The following ATP13A4 variants were observed in gnomAD, a reference collection of about 807,000 sequenced individuals.
The protein encoded by ATP13A4 is ATPase 13A4.
A neutral mutation model predicts 142.5 loss-of-function variants in ATP13A4; 114 were observed. The ratio of observed to expected loss-of-function variants is 0.80; its 90% CI spans 0.69 to 0.93. The LOEUF (loss-of-function observed/expected upper bound fraction) is 0.93. Among genes scored for constraint, ATP13A4 ranks in the 40% least tolerant of loss-of-function variants. ATP13A4 has a pLI of 0.00. For missense variants in ATP13A4, 1,392 were observed against 1,454.0 expected, an observed-to-expected ratio of 0.96 and a Z score of 0.69; for synonymous variants, 488 against 514.8, an observed-to-expected ratio of 0.95 and a Z score of 0.70.
intron 8 of ATP13A4, among the ~76,000 whole-genome samples, chr3:193,478,174 T>C (rs906557982): frequency 1.3e-5 from 2 of 151,692 alleles, no homozygotes; most frequent in African/African-American, 4.8e-5. Flanking sequence ...AAAAGTCTGG[T>C]AGAGCACAAA....
chr3:193,503,625 T>C (rs1323428235), intron 2 of ATP13A4, among the ~76,000 whole-genome samples: 1 of 152,240 alleles, frequency 6.6e-6, no homozygotes, highest in Non-Finnish European at 1.5e-5. Flanking sequence ...TAGCTGACTC[T>C]GCAAAAGGCA....
intron 1 of ATP13A4, among the ~76,000 whole-genome samples, chr3:193,515,959 T>C (rs1721390900): frequency 6.6e-6 from 1 of 152,254 alleles, no homozygotes; most frequent in East Asian, 1.9e-4. Context: ...CCTCAGTTTG[T>C]CTTCCATAAA....
intron 10 of ATP13A4, 69 bp from the exon 11 acceptor site, chr3:193,466,251 AC>A: frequency 6.4e-7 from 1 of 1,573,190 alleles, no homozygotes; most frequent in Non-Finnish European, 8.7e-7. Flanking sequence ...CCAAACCTCA[AC>A]ACTGCCTTTG....
intron 2 of ATP13A4, among the ~76,000 whole-genome samples, chr3:193,564,097 G>A (rs1045550286): frequency 6.6e-6 from 1 of 152,140 alleles, no homozygotes; most frequent in South Asian, 2.1e-4. Context: ...AGGATTGCTC[G>A]AAGAGTATCA....
chr3:193,450,113 C>CA (rs113643807), intron 17 of ATP13A4, among the ~76,000 whole-genome samples: 1,203 of 95,018 alleles, frequency 0.013, 17 homozygotes, highest in African/African-American at 0.029. Context: ...ACCTGTCTCA[C>CA]AAAAAAAAAA....
At chr3:193,504,495 G>T (rs970380029) in intron 2 of ATP13A4, among the ~76,000 whole-genome samples, 1 of 152,088 alleles carries the variant, frequency 6.6e-6, no homozygotes, top group Admixed American at 6.6e-5. Flanking sequence ...AAAACACTAT[G>T]GAATTGTTAC....
chr3:193,507,709 G>A (rs907615085), intron 2 of ATP13A4, among the ~76,000 whole-genome samples: 3 of 152,094 alleles, frequency 2.0e-5, no homozygotes, highest in African/African-American at 2.4e-5. Flanking sequence ...GTGGATTAGC[G>A]GGTCATCGTC....
intron 8 of ATP13A4, among the ~76,000 whole-genome samples, chr3:193,483,658 G>T (rs1379722469): frequency 6.6e-6 from 1 of 152,036 alleles, no homozygotes; most frequent in African/African-American, 2.4e-5. Context: ...TAGAGACAGG[G>T]TTTCACCGTG....
intron 8 of ATP13A4, among the ~76,000 whole-genome samples, chr3:193,478,263 TA>T (rs1226652631): frequency 6.7e-6 from 1 of 148,800 alleles, no homozygotes; most frequent in Non-Finnish European, 1.5e-5. Context: ...AGAAAATAAA[TA>T]ACCAAGATCA....
intron 25 of ATP13A4, among the ~76,000 whole-genome samples, chr3:193,418,090 C>T (rs1356697234): frequency 8.5e-6 from 1 of 117,044 alleles, no homozygotes; most frequent in African/African-American, 3.4e-5. Context: ...CCACTGCACT[C>T]CAGCCTGGGC....
intron 6 of ATP13A4, among the ~76,000 whole-genome samples, 162 bp from the exon 7 acceptor site, chr3:193,490,026 C>A (rs1719861073): frequency 6.6e-6 from 1 of 152,170 alleles, no homozygotes; most frequent in African/African-American, 2.4e-5. Flanking sequence ...CCGCTCTAAG[C>A]AACTTTACTT....
intron 1 of ATP13A4, among the ~76,000 whole-genome samples, chr3:193,519,018 C>T (rs1350882312): frequency 1.3e-5 from 2 of 152,116 alleles, no homozygotes; most frequent in Non-Finnish European, 2.9e-5. Flanking sequence ...TGCTTCTAAG[C>T]ACCCCACAAT....
chr3:193,575,955 T>C (rs184617902), intron 2 of ATP13A4, among the ~76,000 whole-genome samples: 27 of 152,290 alleles, frequency 1.8e-4, no homozygotes, highest in Admixed American at 1.2e-3. Flanking sequence ...TTTGATTGTC[T>C]TGACTGGGAC....
At chr3:193,466,806 T>C (rs1718315572) in intron 10 of ATP13A4, among the ~76,000 whole-genome samples, 1 of 152,230 alleles carries the variant, frequency 6.6e-6, no homozygotes, top group Middle Eastern at 3.2e-3. Context: ...TACATAATAA[T>C]TATTGTTATC....
At chr3:193,421,022 C>T (rs934301760) in intron 25 of ATP13A4, among the ~76,000 whole-genome samples, 2 of 149,752 alleles carry the variant, frequency 1.3e-5, no homozygotes, top group Non-Finnish European at 3.0e-5. Flanking sequence ...TGCTGAAAAC[C>T]TTCTAAGTCC....
intron 9 of ATP13A4, 70 bp downstream of exon 9, chr3:193,470,789 G>A (rs1001257479): frequency 4.1e-5 from 66 of 1,607,882 alleles, no homozygotes; most frequent in African/African-American, 1.1e-4. Flanking sequence ...AGGAGGAGGC[G>A]TAGGGACCAT....
At position 193,433,915 on chromosome 3, in the gene ATP13A4, CT is replaced by C. The variant is rs1370030202; in HGVS notation, c.2771del (p.Glu924GlyfsTer23). On this transcript the variant is annotated frameshift_variant and splice_region_variant, in exon 25 of 30. Coordinates refer to ENST00000342695, the MANE Select transcript of ATP13A4 (RefSeq NM_032279.4). LOFTEE classifies it high-confidence loss of function. ...QYVGVLLLYW[E>X]TNSLSNYQFL... ...ACTGGTAATTTGAAAGGCTGTTTGT[CT>C]CCTGAAAATAAAAAGAAAGCAGATC... 3 of 1,612,948 alleles carry C rather than the reference CT, an allele frequency of 1.9e-6. No homozygotes were observed. The highest frequency in any genetic ancestry group is 2.5e-6 in the Non-Finnish European group (3 of 1,179,048).
At chr3:193,425,494 A>T (rs766016934) in intron 25 of ATP13A4, among the ~76,000 whole-genome samples, 1 of 151,784 alleles carries the variant, frequency 6.6e-6, no homozygotes, top group Non-Finnish European at 1.5e-5. Flanking sequence ...AATAAAGAAC[A>T]TGTGGTATAC....
intron 5 of ATP13A4, 75 bp from the exon 6 acceptor site, chr3:193,491,473 G>T (rs1719940157): frequency 9.2e-7 from 1 of 1,083,734 alleles, no homozygotes; most frequent in Non-Finnish European, 1.4e-6. Context: ...TTCAGAAAAA[G>T]GTCTATTCCA....
Sources: gnomAD v4.1 joint callset for allele counts (sites outside exome capture counted in the v4.1 genomes callset) on GRCh38, gnomAD v4.1.1 for gene constraint, MANE v1.5 for transcripts, NCBI Gene and HGNC (gene_info 2026-07-23, HGNC 2026-07-21) for gene names.